DPP10: variants seen among roughly 807,000 people sequenced by gnomAD.
DPP10 encodes the protein dipeptidyl peptidase like 10, also known as inactive dipeptidyl peptidase 10.
Under a neutral mutation model 120.9 loss-of-function variants are expected in DPP10, and 33 were observed. That is an observed-to-expected ratio of 0.27 (90% confidence interval 0.21 to 0.37). The LOEUF is 0.37. Ranked by LOEUF, DPP10 falls within the 10% of genes least tolerant of loss-of-function variation. DPP10 has a pLI of 1.00. For synonymous variants in DPP10, 337 were observed against 326.1 expected (o/e 1.03, Z -0.36); for missense variants, 816 against 942.8 (o/e 0.87, Z 1.76).
At chr2:114,978,619 T>G (rs945874542) in intron 1 of DPP10, among the ~76,000 whole-genome samples, 1 of 152,146 alleles carries the variant, frequency 6.6e-6, no homozygotes, top group African/African-American at 2.4e-5. Context: ...TTCCTTTCAA[T>G]TGTTACCTGG....
chr2:115,095,251 G>C (rs1326631988), intron 1 of DPP10, among the ~76,000 whole-genome samples: 1 of 152,192 alleles, frequency 6.6e-6, no homozygotes, highest in African/African-American at 2.4e-5. Flanking sequence ...CATGTCTGGA[G>C]CCCCTAGGGA....
chr2:115,226,586 A>G (rs1012576713), intron 1 of DPP10, among the ~76,000 whole-genome samples: 5 of 152,214 alleles, frequency 3.3e-5, no homozygotes, highest in Non-Finnish European at 7.3e-5. Context: ...CTGTAATGTC[A>G]TATTGTGTCA....
intron 1 of DPP10, among the ~76,000 whole-genome samples, chr2:114,542,801 T>C (rs993803812): frequency 1.3e-5 from 2 of 152,216 alleles, no homozygotes; most frequent in Non-Finnish European, 1.5e-5. Flanking sequence ...ATTATTGCAC[T>C]ATGCCTCCAA....
chr2:115,075,258 T>G (rs1707690896), intron 1 of DPP10, among the ~76,000 whole-genome samples: 1 of 152,198 alleles, frequency 6.6e-6, no homozygotes, highest in Admixed American at 6.5e-5. Context: ...TAGAAGTTGT[T>G]TAGAAGTAAA....
intron 5 of DPP10, among the ~76,000 whole-genome samples, chr2:115,671,199 A>G (rs1401585955): frequency 2.6e-5 from 4 of 152,012 alleles, no homozygotes; most frequent in South Asian, 4.1e-4. Flanking sequence ...TTTTAAATTC[A>G]TATAGGTTTT....
intron 1 of DPP10, among the ~76,000 whole-genome samples, chr2:114,526,268 T>C (rs1354033835): frequency 6.6e-6 from 1 of 152,330 alleles, no homozygotes; most frequent in East Asian, 1.9e-4. Context: ...ATAGTGTACA[T>C]TGGTCAATCA....
At chr2:114,786,501 T>C (rs1682781842) in intron 1 of DPP10, among the ~76,000 whole-genome samples, 1 of 152,208 alleles carries the variant, frequency 6.6e-6, no homozygotes. Context: ...ACAGCAATAC[T>C]GAAGTGTAAC....
chr2:114,913,912 C>T (rs1054921942), intron 1 of DPP10, among the ~76,000 whole-genome samples: 7 of 152,170 alleles, frequency 4.6e-5, no homozygotes, highest in African/African-American at 1.2e-4. Flanking sequence ...GAAAAACTCA[C>T]TACAGTAATT....
chr2:115,118,886 GT>G (rs1452680195), intron 1 of DPP10, among the ~76,000 whole-genome samples: 9 of 151,978 alleles, frequency 5.9e-5, no homozygotes, highest in Non-Finnish European at 1.2e-4. Context: ...AAATGCTGGA[GT>G]TACAGGTGTG....
At chr2:115,100,973 T>C (rs1278431920) in intron 1 of DPP10, among the ~76,000 whole-genome samples, 2 of 152,178 alleles carry the variant, frequency 1.3e-5, no homozygotes, top group African/African-American at 4.8e-5. Flanking sequence ...GGAGAACTTA[T>C]TCTTACAGTT....
intron 3 of DPP10, among the ~76,000 whole-genome samples, chr2:115,363,739 T>C (rs2064923124): frequency 6.6e-6 from 1 of 152,184 alleles, no homozygotes; most frequent in Non-Finnish European, 1.5e-5. Flanking sequence ...AAATTTATTT[T>C]TCATTTCTCT....
chr2:115,187,050 T>C (rs868564883), intron 1 of DPP10, among the ~76,000 whole-genome samples: 91 of 108,256 alleles, frequency 8.4e-4, no homozygotes, highest in African/African-American at 3.1e-3. Context: ...TTTTTTTTTT[T>C]TTTTTGAGAC....
At chr2:115,039,066 A>G (rs944037244) in intron 1 of DPP10, among the ~76,000 whole-genome samples, 4 of 152,206 alleles carry the variant, frequency 2.6e-5, no homozygotes, top group African/African-American at 9.7e-5. Flanking sequence ...TCCAGGGCAC[A>G]TGGACAGAGA....
At chr2:114,703,120 G>A (rs1055312499) in intron 1 of DPP10, among the ~76,000 whole-genome samples, 1 of 152,044 alleles carries the variant, frequency 6.6e-6, no homozygotes, top group African/African-American at 2.4e-5. Flanking sequence ...TAAAGTATAT[G>A]TGAAATCACT....
intron 3 of DPP10, among the ~76,000 whole-genome samples, chr2:115,493,707 G>A (rs1328483252): frequency 6.6e-6 from 1 of 152,098 alleles, no homozygotes; most frequent in Admixed American, 6.6e-5. Context: ...TGAGTTAGGT[G>A]GATATTAAAC....
chr2:114,893,847 T>A (rs1692744699), intron 1 of DPP10, among the ~76,000 whole-genome samples: 1 of 152,178 alleles, frequency 6.6e-6, no homozygotes, highest in Admixed American at 6.5e-5. Context: ...AAAAAACATA[T>A]TTTTTGTCAC....
chr2:114,825,130 C>T (rs1387116162), intron 1 of DPP10, among the ~76,000 whole-genome samples: 1 of 152,168 alleles, frequency 6.6e-6, no homozygotes, highest in African/African-American at 2.4e-5. Flanking sequence ...TTGCTGAGAG[C>T]TTTGGTAACC....
chr2:115,431,420 C>G (rs1009899742), intron 3 of DPP10, among the ~76,000 whole-genome samples: 5 of 152,084 alleles, frequency 3.3e-5, no homozygotes, highest in African/African-American at 4.8e-5. Context: ...GAAACTCTTG[C>G]ATATTACTAG....
At chr2:115,755,901 TAAAA>T (rs1218900164) in intron 11 of DPP10, among the ~76,000 whole-genome samples, 1 of 148,534 alleles carries the variant, frequency 6.7e-6, no homozygotes, top group Non-Finnish European at 1.5e-5. Context: ...ATATACTTTT[TAAAA>T]AGTATATATG....
Sources: allele counts gnomAD v4.1 joint callset (sites outside exome capture counted in the v4.1 genomes callset), GRCh38; gene constraint gnomAD v4.1.1; transcripts MANE v1.5; gene names NCBI Gene and HGNC (gene_info 2026-07-23, HGNC 2026-07-21).